PLAUR: variants seen among roughly 807,000 people sequenced by gnomAD.
PLAUR encodes plasminogen activator, urokinase receptor.
Under a neutral mutation model 33.4 loss-of-function variants are expected in PLAUR, and 22 were observed. The ratio of observed to expected loss-of-function variants is 0.66; its 90% CI spans 0.47 to 0.94. The LOEUF (loss-of-function observed/expected upper bound fraction) is 0.94, where lower values mean the gene tolerates loss of function less well. PLAUR is among the 40% of genes least tolerant of loss of function. The pLI, the probability that PLAUR is intolerant of heterozygous loss-of-function variation, is 0.00. For synonymous variants in PLAUR, 148 were observed against 167.3 expected, an observed-to-expected ratio of 0.88 and a Z score of 0.89; for missense variants, 408 against 434.7, an observed-to-expected ratio of 0.94 and a Z score of 0.55.
rs148033962 is a variant in PLAUR, at chr19:43,655,767, G to A, written c.473-194C>T. ...CCTCTCCAGGTAGTCATGTGATGAAGTTCGGACTAATGTGATATAAATAGA... is the reference window on the plus strand; with the variant it reads ...CCTCTCCAGGTAGTCATGTGATGAAATTCGGACTAATGTGATATAAATAGA... On this transcript the variant is annotated intron_variant, in intron 4 of 6. Transcript: ENST00000340093. Among the ~76,000 whole-genome samples, 397 of 152,312 alleles carry A rather than the reference G, an allele frequency of 2.6e-3. 1 individual carries two copies. The highest frequency in any genetic ancestry group is 9.0e-3 in the African/African-American group (373 of 41,562).
intron 1 of PLAUR, chr19:43,667,916 T>C: frequency 7.2e-7 from 1 of 1,387,964 alleles, no homozygotes; most frequent in Non-Finnish European, 9.4e-7. Context: ...CCACAAGTCC[T>C]TTCCCAAAGT....
chr19:43,659,784 T>C (rs1286127937), intron 3 of PLAUR, among the ~76,000 whole-genome samples: 1 of 152,254 alleles, frequency 6.6e-6, no homozygotes, highest in Non-Finnish European at 1.5e-5. Context: ...ATGCTTCTAC[T>C]GTTCTGTCTT....
In PLAUR at chr19:43,667,681, G is replaced by T. The variant is rs571801571; in HGVS notation, c.66C>A (p.Gly22=). Reference sequence around the variant, plus strand: ...TGGTCTTACACTGCATGCACCGCAGGCCCCAAGAGGCTGGGGGAAGGAGGG... The same window carrying T: ...TGGTCTTACACTGCATGCACCGCAGTCCCCAAGAGGCTGGGGGAAGGAGGG... The part of the protein sequence containing the change: ...LLHTCVPASW[G]LRCMQCKTNG... The change falls in exon 2 of 7, where the codon GGC becomes GGA. Residue 22 remains glycine (G), a synonymous_variant. Coordinates refer to ENST00000340093, the MANE Select transcript of PLAUR (RefSeq NM_002659.4). The T allele has an allele frequency of 1.9e-5, 31 of 1,613,568 alleles. No individual in the cohort carries two copies. The South Asian group carries it at 3.3e-4, about 17-fold the overall frequency.
rs1242134156 is a variant in PLAUR, at chr19:43,665,806, GGC to G, written c.167-349_167-348del. The stretch of plus-strand genomic sequence containing the variant: ...GGCCTCCCGAGTAGCTGGAACCACA[GGC>G]TTACATCACCACACCCTGCTAATTT... On this transcript the variant is annotated intron_variant, in intron 2 of 6. Transcript: ENST00000340093. Among the ~76,000 whole-genome samples the G allele has an allele frequency of 1.2e-3, 173 of 148,030 alleles. 1 individual carries two copies. The highest frequency in any genetic ancestry group is 3.9e-3 in the African/African-American group (154 of 39,892).
downstream of PLAUR, among the ~76,000 whole-genome samples, chr19:43,647,935 GC>G (rs1973850492): frequency 7.4e-6 from 1 of 134,390 alleles, no homozygotes. Context: ...AGGTTAGAGA[GC>G]CCTTTTTTTT....
intron 1 of PLAUR, among the ~76,000 whole-genome samples, chr19:43,669,769 G>T (rs1184520619): frequency 1.5e-5 from 2 of 134,246 alleles, no homozygotes; most frequent in Non-Finnish European, 3.0e-5. Flanking sequence ...CCGAGATCGC[G>T]CCACTGCACT....
intron 1 of PLAUR, among the ~76,000 whole-genome samples, chr19:43,669,809 C>T (rs1330745007): frequency 1.3e-4 from 9 of 71,194 alleles, no homozygotes; most frequent in South Asian, 6.0e-4. Flanking sequence ...GAGACTCTGT[C>T]AAAAAAAAAA....
chr19:43,647,960 G>C (rs371774462), downstream of PLAUR, among the ~76,000 whole-genome samples: 82 of 125,576 alleles, frequency 6.5e-4, 1 homozygote, highest in East Asian at 0.015. Flanking sequence ...TTTTTTTACA[G>C]ACTAAGGATA....
At position 43,656,605 on chromosome 19, in the gene PLAUR, CG is replaced by C. The variant is rs752301270; in HGVS notation, c.345del (p.Glu116AsnfsTer10). 1 of 1,610,586 alleles carries C rather than the reference CG, an allele frequency of 6.2e-7. No individual in the cohort carries two copies. The highest frequency in any genetic ancestry group is 8.5e-7 in the Non-Finnish European group (1 of 1,178,068). On this transcript the variant is annotated frameshift_variant, in exon 4 of 7. Coordinates refer to ENST00000340093, the MANE Select transcript of PLAUR (RefSeq NM_002659.4). LOFTEE classifies it high-confidence loss of function. The stretch of plus-strand genomic sequence containing the variant: ...TCTGATGAGCCACAGGAAATGCATT[CG>C]AGGTAACGGCTTCGGGAATAGGTGA... Reference protein sequence around the residue: ...RAVTYSRSRYLECISCGSSDM... With the variant: ...RAVTYSRSRYXECISCGSSDM...
intron 6 of PLAUR, among the ~76,000 whole-genome samples, chr19:43,650,296 A>T: frequency 6.7e-6 from 1 of 149,808 alleles, no homozygotes; most frequent in Non-Finnish European, 1.5e-5. Flanking sequence ...GGCGTGAGCC[A>T]CCGCGCCTGG....
rs113516148 is a variant in PLAUR, at chr19:43,663,650, G to A, written c.310+1666C>T. On this transcript the variant is annotated intron_variant, in intron 3 of 6. Transcript: ENST00000340093. ...TACAAAATTAGCTGGGCGTGGTGGC[G>A]CATGCCTGTAATCCCAGCTACTTGG... Among the ~76,000 whole-genome samples the A allele has an allele frequency of 4.5e-3, 685 of 151,882 alleles. 4 individuals carry two copies. Among genetic ancestry groups the A allele is most frequent in the African/African-American group, 0.016 (648 of 41,444 alleles).
intron 3 of PLAUR, chr19:43,660,489 TA>T (rs1966932179): frequency 1.3e-5 from 2 of 149,228 alleles, no homozygotes; most frequent in Admixed American, 6.8e-5. Context: ...TTTTTTTTTT[TA>T]AAGATGGGGT....
chr19:43,665,206 G>T (rs912847015), intron 3 of PLAUR, 110 bp downstream of exon 3: 3 of 1,123,040 alleles, frequency 2.7e-6, no homozygotes, highest in Admixed American at 1.9e-5. Context: ...CTTGGATAAG[G>T]CATGGAGTTG....
intron 3 of PLAUR, 30 bp downstream of exon 3, chr19:43,665,286 G>A (rs1313276500): frequency 1.2e-6 from 2 of 1,611,106 alleles, no homozygotes; most frequent in East Asian, 2.2e-5. Context: ...ATGGCTTGGG[G>A]TTGGGGATGG....
chr19:43,656,797 C>T lies in PLAUR; in HGVS notation c.311-157G>A, dbSNP rs1170611651. On this transcript the variant is annotated intron_variant, in intron 3 of 6. Transcript: ENST00000340093. ...GCCTGCTGAATCTTTCTAGAATCCA[C>T]CCCCTCCTTTCCAGCCCCATGGACC... 3 of 606,324 alleles carry T rather than the reference C, an allele frequency of 4.9e-6. No homozygotes were observed. In the East Asian group the frequency reaches 9.2e-5, roughly 19 times the overall value. 37.6% of individuals were successfully genotyped at this position (606,324 alleles called of 1,614,324 possible).
chr19:43,660,153 C>CGTTTTGTTTT (rs10524578), intron 3 of PLAUR, among the ~76,000 whole-genome samples: 43,747 of 148,202 alleles, frequency 0.3, 7,406 homozygotes, highest in Non-Finnish European at 0.39. Context: ...CAGAGTCTTG[C>CGTTTTGTTTT]GTTTTGTTTT....
At chr19:43,662,625 C>T (rs187081474) in intron 3 of PLAUR, among the ~76,000 whole-genome samples, 36 of 152,284 alleles carry the variant, frequency 2.4e-4, no homozygotes, top group Admixed American at 3.9e-4. Flanking sequence ...CTTTCCAGCT[C>T]ATCTCGCCCC....
intron 1 of PLAUR, among the ~76,000 whole-genome samples, chr19:43,668,765 C>G (rs1967388576): frequency 1.3e-5 from 2 of 151,660 alleles, no homozygotes; most frequent in South Asian, 4.2e-4. Context: ...TAGCTCCTCC[C>G]GAGGTTATAA....
At chr19:43,667,958 T>C in intron 1 of PLAUR, 1 of 1,318,728 alleles carries the variant, frequency 7.6e-7, no homozygotes. Flanking sequence ...TTTCATTCTG[T>C]CCTCGTGAGG....
Sources: gnomAD v4.1 joint callset for allele counts (sites outside exome capture counted in the v4.1 genomes callset) on GRCh38, gnomAD v4.1.1 for gene constraint, MANE v1.5 for transcripts, NCBI Gene and HGNC (gene_info 2026-07-23, HGNC 2026-07-21) for gene names.